Variants in CLIP1 observed in about 807,000 individuals in gnomAD.
CLIP1 encodes the protein CAP-Gly domain containing linker protein 1.
A neutral mutation model predicts 161.6 loss-of-function variants in CLIP1; 66 were observed. That is an observed-to-expected ratio of 0.41 (90% CI 0.33 to 0.50). CLIP1 has a LOEUF of 0.50. Among genes scored for constraint, CLIP1 ranks in the 20% least tolerant of loss-of-function variants. The pLI is 0.27. For missense variants in CLIP1, 1,376 were observed against 1,702.0 expected (o/e 0.81, Z 3.37); for synonymous variants, 598 against 626.2 (o/e 0.96, Z 0.67).
At chr12:122,384,768 A>T (rs1424325047) in intron 1 of CLIP1, among the ~76,000 whole-genome samples, 5 of 145,800 alleles carry the variant, frequency 3.4e-5, no homozygotes, top group African/African-American at 1.3e-4. Flanking sequence ...CTCAAAAAAT[A>T]AAAAAAAAAA....
rs767565341 is a variant in CLIP1, at chr12:122,341,545, G to A, written c.1659C>T (p.Ser553=). 12 of 1,613,904 alleles carry A rather than the reference G, an allele frequency of 7.4e-6. No individual in the cohort carries two copies. Among genetic ancestry groups the A allele is most frequent in the Admixed American group, 1.7e-5 (1 of 59,980 alleles). The part of the protein sequence containing the change: ...DMSLSLLQEI[S]SLQEKLEVTR... ...TGACTTCTAACTTTTCTTGCAAAGA[G>A]CTTATCTCTTGCAAAAGGGAAAGTG... The change falls in exon 11 of 26, where the codon AGC becomes AGT. Residue 553 remains serine, a synonymous_variant. Transcript: ENST00000620786.
At chr12:122,286,793 T>TA (rs1028238574) in intron 21 of CLIP1, among the ~76,000 whole-genome samples, 94 of 152,004 alleles carry the variant, frequency 6.2e-4, no homozygotes, top group African/African-American at 1.8e-3. Flanking sequence ...CGTCAGGAGA[T>TA]AGAGACCATC....
At chr12:122,362,160 G>A (rs1460825981) in intron 4 of CLIP1, among the ~76,000 whole-genome samples, 1 of 151,134 alleles carries the variant, frequency 6.6e-6, no homozygotes, top group East Asian at 2.0e-4. Flanking sequence ...CAATATGTTG[G>A]CCAGGATGGT....
At chr12:122,331,531 T>G (rs1222679481) in intron 15 of CLIP1, among the ~76,000 whole-genome samples, 1 of 151,728 alleles carries the variant, frequency 6.6e-6, no homozygotes. Context: ...GCCCAGCTGG[T>G]CTTGAACTGC....
At chr12:122,341,815 C>G in intron 10 of CLIP1, 118 bp from the exon 11 acceptor site, 1 of 568,744 alleles carries the variant, frequency 1.8e-6, no homozygotes, top group Non-Finnish European at 2.5e-6. Context: ...TGGAGTTTCG[C>G]TCTTCTTACC....
chr12:122,320,023 C>A (rs1048800965), intron 17 of CLIP1, among the ~76,000 whole-genome samples: 7 of 151,882 alleles, frequency 4.6e-5, no homozygotes, highest in African/African-American at 1.5e-4. Flanking sequence ...GCCTGTAATC[C>A]CAGCACTTTG....
intron 21 of CLIP1, among the ~76,000 whole-genome samples, chr12:122,285,553 G>C (rs1400661506): frequency 6.6e-6 from 1 of 151,644 alleles, no homozygotes; most frequent in Non-Finnish European, 1.5e-5. Context: ...TTGCCAGGCT[G>C]GTCTTGAACT....
At chr12:122,332,271 G>A (rs1952009170) in intron 15 of CLIP1, among the ~76,000 whole-genome samples, 1 of 148,358 alleles carries the variant, frequency 6.7e-6, no homozygotes, top group Non-Finnish European at 1.5e-5. Flanking sequence ...CTCCAGACTG[G>A]GCAAGAAGAG....
chr12:122,364,787 G>T (rs1184916940), intron 3 of CLIP1: 7 of 996,038 alleles, frequency 7.0e-6, no homozygotes, highest in South Asian at 1.3e-5. Context: ...CCAAAATGAC[G>T]AACACAAAGC....
At chr12:122,366,286 G>A (rs1011882686) in intron 3 of CLIP1, among the ~76,000 whole-genome samples, 3 of 145,482 alleles carry the variant, frequency 2.1e-5, no homozygotes, top group Non-Finnish European at 3.0e-5. Flanking sequence ...CAGCCTAGGC[G>A]ACAGGGAGAG....
chr12:122,299,638 C>T (rs1054222429), intron 20 of CLIP1, among the ~76,000 whole-genome samples: 7 of 66,116 alleles, frequency 1.1e-4, no homozygotes, highest in African/African-American at 1.9e-4. Flanking sequence ...AAAAAGATGC[C>T]GGGCGCGGTG....
Position 122,279,083 on chromosome 12 carries a change from A to T in CLIP1, c.3710T>A (p.Ile1237Lys), listed in dbSNP as rs1223032646. 1 of 1,613,404 alleles carries T rather than the reference A, an allele frequency of 6.2e-7. No individual in the cohort carries two copies. The highest frequency in any genetic ancestry group is 2.2e-5 in the East Asian group (1 of 44,884). ...CTTTTCTGTGAGTAAGGCACTAGTTATACTGATGGATTTCTGCAAGGAAGC... is the reference window on the plus strand; with the variant it reads ...CTTTTCTGTGAGTAAGGCACTAGTTTTACTGATGGATTTCTGCAAGGAAGC... The part of the protein sequence containing the change: ...EKASLQKSIS[I>K]TSALLTEKDA... Residue 1237 changes from isoleucine to lysine, a missense_variant, in exon 22 of 26, where the codon ATA (isoleucine) becomes AAA (lysine). By Grantham distance (102) the Ile-to-Lys change is moderately radical. Around this residue, in one of 6 missense-constraint regions of CLIP1, gnomAD observed 948 missense variants for 1,134.8 expected, o/e 0.84. Transcript: ENST00000620786. This position sits in a 1 kb window ranked among gnomAD's most constrained non-coding sequence, Gnocchi z 4.5.
intron 3 of CLIP1, among the ~76,000 whole-genome samples, chr12:122,365,050 A>T (rs953879738): frequency 6.6e-6 from 1 of 152,062 alleles, no homozygotes; most frequent in African/African-American, 2.4e-5. Context: ...ACACATGGAC[A>T]CAGTAAGGGG....
In CLIP1 at chr12:122,377,871, G is replaced by C. The variant is rs755915925; in HGVS notation, c.175C>G (p.Arg59Gly). 3 of 1,613,738 alleles carry C rather than the reference G, an allele frequency of 1.9e-6. No homozygotes were observed. Among genetic ancestry groups the C allele is most frequent in the South Asian group, 2.2e-5 (2 of 91,062 alleles). The change falls in exon 3 of 26, where the codon CGA (arginine) becomes GGA (glycine). Residue 59 changes from arginine to glycine, a missense_variant. This residue lies in a region of CLIP1 where 66 missense variants were observed against 67.8 expected (regional missense o/e 0.97). Coordinates refer to ENST00000620786, the MANE Select transcript of CLIP1 (RefSeq NM_001247997.2). ...TTCACCCAAACTCGCTCCCCAACTC[G>C]AAAGTCATCCACAAATTCCTCCTGA... ...ETQEEFVDDF[R>G]VGERVWVNGN... is the part of the protein sequence containing the mutation.
At position 122,361,132 on chromosome 12, in the gene CLIP1, C is replaced by G; in HGVS notation, c.832G>C (p.Val278Leu). 1.2e-6 allele frequency: 2 copies of G among 1,614,100 alleles called. No homozygotes were observed. Among genetic ancestry groups the G allele is most frequent in the Non-Finnish European group, 1.7e-6 (2 of 1,180,000 alleles). ...GTGGAAGGGAAGCCAATCTTGGTAA[C>G]TTTGTGGACAGGAGCGAACAAGCCA... The part of the protein sequence containing the change: ...KYGLFAPVHK[V>L]TKIGFPSTTP... Residue 278 changes from valine to leucine, a missense_variant, in exon 5 of 26, where the codon GTT (valine) becomes CTT (leucine). Val to Leu is a conservative substitution (Grantham distance 32). This residue lies in a region of CLIP1 where 211 missense variants were observed against 295.1 expected (regional missense o/e 0.72). Transcript: ENST00000620786.
chr12:122,312,030 A>T (rs1288706752), intron 19 of CLIP1, among the ~76,000 whole-genome samples: 3 of 152,214 alleles, frequency 2.0e-5, no homozygotes, highest in Non-Finnish European at 4.4e-5. Context: ...ATACTCAAGG[A>T]ATGATTTTCA....
intron 15 of CLIP1, among the ~76,000 whole-genome samples, chr12:122,330,897 G>A (rs925221627): frequency 4.0e-5 from 6 of 151,880 alleles, no homozygotes; most frequent in African/African-American, 7.3e-5. Context: ...CACCACGCCC[G>A]GCCTACAATG....
At chr12:122,293,001 T>TAAAAAAAAAAA (rs1950314035) in intron 20 of CLIP1, among the ~76,000 whole-genome samples, 1 of 57,914 alleles carries the variant, frequency 1.7e-5, no homozygotes, top group African/African-American at 2.0e-4. Context: ...AGACTCTGTC[T>TAAAAAAAAAAA]CAAAAAAAAA....
intron 1 of CLIP1, among the ~76,000 whole-genome samples, chr12:122,393,930 AG>A (rs1452766328): frequency 1.3e-5 from 2 of 149,778 alleles, no homozygotes; most frequent in East Asian, 1.9e-4. Flanking sequence ...AAAAAAAAAA[AG>A]ATTCTAGGTT....
Sources: allele counts gnomAD v4.1 joint callset (sites outside exome capture counted in the v4.1 genomes callset), GRCh38; gene constraint gnomAD v4.1.1; regional missense constraint gnomAD v4.1.1; non-coding constraint Gnocchi (gnomAD v3.1); transcripts MANE v1.5; gene names NCBI Gene and HGNC (gene_info 2026-07-23, HGNC 2026-07-21).